The following BCL9 variants were observed in gnomAD, a reference collection of about 807,000 sequenced individuals.
The protein encoded by BCL9 is BCL9 transcription coactivator.
A neutral mutation model predicts 88.5 loss-of-function variants in BCL9; 25 were observed. The observed-to-expected ratio is 0.28, with a 90% CI of 0.21 to 0.39. The LOEUF (loss-of-function observed/expected upper bound fraction) is 0.39, where lower values mean the gene tolerates loss of function less well. Among genes scored for constraint, BCL9 ranks in the 10% least tolerant of loss-of-function variants. The probability of loss-of-function intolerance (pLI) is 1.00; values close to 1 mark genes in which losing one functional copy is unlikely to be tolerated. For synonymous variants in BCL9, 711 were observed against 673.3 expected (o/e 1.06, Z -0.87); for missense variants, 1,817 against 1,877.8 (o/e 0.97, Z 0.60).
intron 5 of BCL9, 133 bp downstream of exon 5, chr1:147,613,332 A>C: frequency 1.7e-5 from 15 of 862,986 alleles, no homozygotes; most frequent in Non-Finnish European, 2.5e-5. Context: ...ATGAGTTCTC[A>C]CAGTTTATGA....
Position 147,551,780 on chromosome 1 carries a change from T to C in BCL9, c.-478+10106T>C, listed in dbSNP as rs587759545. Among the ~76,000 whole-genome samples, 3 of 152,332 alleles carry C rather than the reference T, an allele frequency of 2.0e-5. No homozygotes were observed. The South Asian group carries it at 6.2e-4, about 32-fold the overall frequency. The stretch of plus-strand genomic sequence containing the variant: ...GATGTGGCCCCTTAATCTTGGACTT[T>C]CCAGACTCTAGCAAATAAATTTCTT... On this transcript the variant is annotated intron_variant, in intron 1 of 9. Transcript: ENST00000234739.
intron 1 of BCL9, among the ~76,000 whole-genome samples, chr1:147,601,121 G>A (rs1364498568): frequency 4.6e-5 from 7 of 152,112 alleles, no homozygotes; most frequent in Non-Finnish European, 7.4e-5. Flanking sequence ...GAAGGAGGAG[G>A]CCAGAAATCT....
chr1:147,622,590 A>G lies in BCL9; in HGVS notation c.3163+59A>G, dbSNP rs1377005858. On this transcript the variant is annotated intron_variant, in intron 9 of 9. Transcript: ENST00000234739. ...TGCTAGACCAAAGAGAAACCTCTTG[A>G]AGCGTTTTCTCAATGGCTATACACC... is the stretch of plus-strand genomic sequence containing the variant. The G allele has an allele frequency of 3.6e-5, 58 of 1,597,508 alleles. No individual in the cohort carries two copies. The South Asian group carries it at 6.1e-4, about 17-fold the overall frequency.
chr1:147,554,719 T>A (rs1436131773), intron 1 of BCL9, among the ~76,000 whole-genome samples: 1 of 152,224 alleles, frequency 6.6e-6, no homozygotes, highest in African/African-American at 2.4e-5. Flanking sequence ...CAACCTTGAA[T>A]GAAGTGTTTA....
rs1658822877 is a variant in BCL9 at position 147,624,373 on chromosome 1, C to T, written c.3695C>T (p.Pro1232Leu). 2 of 1,614,220 alleles carry T rather than the reference C, an allele frequency of 1.2e-6. No individual in the cohort carries two copies. The highest frequency in any genetic ancestry group is 2.7e-5 in the African/African-American group (2 of 75,056). Residue 1232 changes from proline (P) to leucine (L), a missense_variant, in exon 10 of 10, where the codon CCT (proline) becomes CTT (leucine). By Grantham distance (98) the Pro-to-Leu change is moderately conservative. Coordinates refer to ENST00000234739, the MANE Select transcript of BCL9 (RefSeq NM_004326.4). The surrounding 1 kb of genome is among the most constrained non-coding windows in gnomAD (Gnocchi z 4.4). ...EVIRPGATGI[P>L]EFDLSRIIPS... ...ATCCGACCTGGAGCCACCGGAATACCTGAGTTTGATCTATCCCGCATTATT... is the reference window on the plus strand; with the variant it reads ...ATCCGACCTGGAGCCACCGGAATACTTGAGTTTGATCTATCCCGCATTATT...
At chr1:147,606,266 C>T (rs781926067) in intron 2 of BCL9, among the ~76,000 whole-genome samples, 29 of 152,306 alleles carry the variant, frequency 1.9e-4, no homozygotes, top group African/African-American at 6.5e-4. Context: ...CCACATTATT[C>T]AGCTCTTAAG....
At chr1:147,555,331 C>G (rs782687615) in intron 1 of BCL9, among the ~76,000 whole-genome samples, 14 of 152,204 alleles carry the variant, frequency 9.2e-5, no homozygotes, top group Non-Finnish European at 1.8e-4. Context: ...AACTCCTACT[C>G]TATACTTTGG....
chr1:147,624,137 C>A lies in BCL9; in HGVS notation c.3459C>A (p.Phe1153Leu). ...AGTCTCCCCCACAGCAGGTTCCATT[C>A]CCTCACAATGGCCCCAGTGGGGGGC... ...PVQSPPQQVP[F>L]PHNGPSGGQG... The change falls in exon 10 of 10, where the codon TTC becomes TTA. Residue 1153 changes from phenylalanine (F) to leucine (L), a missense_variant. Around this residue, in one of 2 missense-constraint regions of BCL9, gnomAD observed 589 missense variants for 686.2 expected, o/e 0.86. Transcript: ENST00000234739. This position sits in a 1 kb window ranked among gnomAD's most constrained non-coding sequence, Gnocchi z 4.4. 6.3e-7 allele frequency: 1 copy of A among 1,594,958 alleles called. No individual in the cohort carries two copies. Among genetic ancestry groups the A allele is most frequent in the Non-Finnish European group, 8.6e-7 (1 of 1,168,858 alleles).
Position 147,625,799 on chromosome 1 carries a change from C to G in BCL9, c.*840C>G. 4.3e-6 allele frequency: 1 copy of G among 233,050 alleles called. No homozygotes were observed. The highest frequency in any genetic ancestry group is 8.5e-6 in the Non-Finnish European group (1 of 117,656). 14.4% of individuals were successfully genotyped at this position (233,050 alleles called of 1,614,324 possible). A position where few individuals can be genotyped will look rare whatever the true frequency, so the allele number is the denominator to read the frequency against. ...CTGGTGACCCTCTGCTTCCCTCTCT[C>G]TTTCCCTTTGGCAGCTGCAATACAC... On this transcript the variant is annotated 3_prime_UTR_variant, in exon 10 of 10. Transcript: ENST00000234739.
intron 1 of BCL9, among the ~76,000 whole-genome samples, chr1:147,575,618 A>G (rs898158361): frequency 2.0e-5 from 3 of 152,162 alleles, no homozygotes; most frequent in Non-Finnish European, 1.5e-5. Flanking sequence ...TATAATAAAC[A>G]TGTATTTTGA....
intron 1 of BCL9, among the ~76,000 whole-genome samples, chr1:147,560,137 AAGCTTGTTGGT>A (rs1655309060): frequency 1.3e-5 from 2 of 152,204 alleles, no homozygotes; most frequent in South Asian, 4.1e-4. Context: ...AACTGCTATC[AAGCTTGTTGGT>A]AGGCAAGGTG....
intron 8 of BCL9, 82 bp from the exon 9 acceptor site, chr1:147,622,189 C>G: frequency 6.5e-7 from 1 of 1,544,238 alleles, no homozygotes; most frequent in Non-Finnish European, 8.8e-7. Context: ...CCTGGCCTTG[C>G]TAGTTCATAA....
chr1:147,562,118 C>T (rs1185840870), intron 1 of BCL9, among the ~76,000 whole-genome samples: 1 of 152,000 alleles, frequency 6.6e-6, no homozygotes, highest in Non-Finnish European at 1.5e-5. Flanking sequence ...CACCTGAGGT[C>T]GGGAGTTCAA....
chr1:147,589,995 CT>C (rs1247045561), intron 1 of BCL9, among the ~76,000 whole-genome samples: 20 of 152,346 alleles, frequency 1.3e-4, no homozygotes, highest in African/African-American at 4.1e-4. Context: ...CTCACCAACA[CT>C]TGCCATTGTC....
intron 1 of BCL9, among the ~76,000 whole-genome samples, chr1:147,570,792 C>T (rs188331335): frequency 1.2e-3 from 188 of 151,918 alleles, no homozygotes; most frequent in Middle Eastern, 3.4e-3. Flanking sequence ...TGCGCCACCA[C>T]GCCTGGCTAA....
intron 1 of BCL9, among the ~76,000 whole-genome samples, chr1:147,573,031 A>T (rs782109298): frequency 1.4e-4 from 22 of 152,368 alleles, no homozygotes; most frequent in African/African-American, 4.6e-4. Context: ...GTGTACCCAC[A>T]TATTTGTGGA....
At chr1:147,590,814 C>T (rs888154451) in intron 1 of BCL9, among the ~76,000 whole-genome samples, 21 of 152,174 alleles carry the variant, frequency 1.4e-4, no homozygotes, top group South Asian at 4.1e-4. Flanking sequence ...TCAGTGCTGG[C>T]GAATGTTGTT....
At chr1:147,622,105 A>G (rs1553205487) in intron 8 of BCL9, among the ~76,000 whole-genome samples, 166 bp from the exon 9 acceptor site, 1 of 152,088 alleles carries the variant, frequency 6.6e-6, no homozygotes, top group African/African-American at 2.4e-5. Context: ...CTCTGCACTC[A>G]CACAGAGCTT....
intron 1 of BCL9, among the ~76,000 whole-genome samples, chr1:147,547,720 A>C: frequency 6.6e-6 from 1 of 152,206 alleles, no homozygotes; most frequent in Admixed American, 6.5e-5. Flanking sequence ...TAGATGCATA[A>C]GAGAAATTTA....
Sources: allele counts gnomAD v4.1 joint callset (sites outside exome capture counted in the v4.1 genomes callset), GRCh38; gene constraint gnomAD v4.1.1; regional missense constraint gnomAD v4.1.1; non-coding constraint Gnocchi (gnomAD v3.1); transcripts MANE v1.5; gene names NCBI Gene and HGNC (gene_info 2026-07-23, HGNC 2026-07-21).